Variants in NAV2 observed in about 807,000 individuals in gnomAD.
NAV2 encodes the protein neuron navigator 2, also known as helicase, APC down-regulated 1.
Under a neutral mutation model 223.2 loss-of-function variants are expected in NAV2, and 54 were observed. The ratio of observed to expected loss-of-function variants is 0.24; its 90% CI spans 0.19 to 0.30. The LOEUF is 0.30. NAV2 is among the 10% of genes least tolerant of loss of function. The pLI, the probability that NAV2 is intolerant of heterozygous loss-of-function variation, is 1.00. For missense variants in NAV2, 2,806 were observed against 3,147.5 expected, an observed-to-expected ratio of 0.89 and a Z score of 2.60; for synonymous variants, 1,279 against 1,239.3, an observed-to-expected ratio of 1.03 and a Z score of -0.67.
At chr11:20,101,485 A>G (rs1410726187) in intron 32 of NAV2, among the ~76,000 whole-genome samples, 2 of 152,224 alleles carry the variant, frequency 1.3e-5, no homozygotes, top group Non-Finnish European at 2.9e-5. Flanking sequence ...ATTTTGTGGA[A>G]CAACGATAAT....
chr11:19,718,505 G>C (rs1421989067), intron 1 of NAV2, among the ~76,000 whole-genome samples: 1 of 152,220 alleles, frequency 6.6e-6, no homozygotes, highest in Non-Finnish European at 1.5e-5. Context: ...CCTGGGAAGA[G>C]AGCGCAGCTC....
chr11:19,946,684 A>T (rs903315788), intron 9 of NAV2, among the ~76,000 whole-genome samples, 175 bp downstream of exon 9: 2 of 152,198 alleles, frequency 1.3e-5, no homozygotes, highest in African/African-American at 4.8e-5. Context: ...ATAGGAAATA[A>T]AAAATTAGTA....
rs990932408 is a variant in NAV2, at chr11:19,678,982, A to G, written c.76-153502A>G. ...GCATCTGTTATGTTGACTAATATTT[A>G]TCAACATAGAAAGATTTCCTATGTT... On this transcript the variant is annotated intron_variant, in intron 1 of 37. Transcript: ENST00000360655. 4.8e-4 allele frequency among the ~76,000 whole-genome samples: 73 copies of G among 152,330 alleles called. 2 individuals carry two copies. The highest frequency in any genetic ancestry group is 2.9e-5 in the Non-Finnish European group (2 of 68,038).
intron 10 of NAV2, among the ~76,000 whole-genome samples, chr11:19,976,941 C>T (rs563393679): frequency 5.3e-5 from 8 of 152,272 alleles, no homozygotes; most frequent in African/African-American, 1.9e-4. Flanking sequence ...ATTTTACTCA[C>T]GATGTACATT....
intron 10 of NAV2, among the ~76,000 whole-genome samples, chr11:19,967,250 C>T (rs1336841699): frequency 1.3e-5 from 2 of 152,074 alleles, no homozygotes; most frequent in African/African-American, 4.8e-5. Context: ...AAGGATTTTC[C>T]TACCTTTCCT....
rs754771937 is a variant in NAV2 at position 20,092,253 on chromosome 11, G to A, written c.5700G>A (p.Glu1900=). 1 of 1,614,234 alleles carries A rather than the reference G, an allele frequency of 6.2e-7. No homozygotes were observed. The highest frequency in any genetic ancestry group is 2.2e-5 in the East Asian group (1 of 44,876). Residue 1900 remains glutamate, a synonymous_variant, in exon 28 of 38, where the codon GAG becomes GAA. Transcript: ENST00000349880. ...CTGAGAATGATCGGCTGAAGTCAGA[G>A]TCTCAAGGCAGTGGCTGCAGCCGGG... ...LKAENDRLKS[E]SQGSGCSRAP... is the part of the protein sequence containing the mutation.
chr11:19,967,183 G>A (rs540171240), intron 10 of NAV2, among the ~76,000 whole-genome samples: 10 of 152,266 alleles, frequency 6.6e-5, no homozygotes, highest in African/African-American at 2.4e-4. Flanking sequence ...GGAAGCTTGA[G>A]AGCCAAGCCT....
chr11:19,776,607 TGG>T (rs1491197553), intron 1 of NAV2, among the ~76,000 whole-genome samples: 1,076 of 103,396 alleles, frequency 0.01, 23 homozygotes, highest in African/African-American at 0.024. Context: ...TGTGTGTGTG[TGG>T]TTAGAGTTGT....
chr11:19,694,020 T>C (rs747098606), intron 1 of NAV2, among the ~76,000 whole-genome samples: 1 of 152,222 alleles, frequency 6.6e-6, no homozygotes, highest in Non-Finnish European at 1.5e-5. Context: ...TTATTGCCTG[T>C]GTGAGCTAAG....
At chr11:19,852,052 C>T (rs1277681782) in intron 3 of NAV2, among the ~76,000 whole-genome samples, 1 of 152,220 alleles carries the variant, frequency 6.6e-6, no homozygotes, top group African/African-American at 2.4e-5. Flanking sequence ...GTAAAGGAAA[C>T]AGATTCTCCT....
Position 19,933,764 on chromosome 11 carries a change from G to A in NAV2, c.1520G>A (p.Arg507Lys). ...GAGAAAAGCAAGGACCTTGCCAAGA[G>A]AGCCTCTGTGACGGAGAGGCTGGAC... ...DKEKSKDLAK[R>K]ASVTERLDLK... Residue 507 changes from arginine (R) to lysine (K), a missense_variant, in exon 7 of 38, where the codon AGA (arginine) becomes AAA (lysine). By Grantham distance (26) the Arg-to-Lys change is conservative. Coordinates refer to ENST00000349880, the MANE Select transcript of NAV2 (RefSeq NM_145117.5). This position sits in a 1 kb window ranked among gnomAD's most constrained non-coding sequence, Gnocchi z 4.3. The A allele has an allele frequency of 6.2e-7, 1 of 1,614,182 alleles. No individual in the cohort carries two copies. Among genetic ancestry groups the A allele is most frequent in the Non-Finnish European group, 8.5e-7 (1 of 1,180,036 alleles).
chr11:19,869,480 T>A (rs1290664046), intron 4 of NAV2, among the ~76,000 whole-genome samples: 4 of 152,212 alleles, frequency 2.6e-5, no homozygotes, highest in Non-Finnish European at 5.9e-5. Context: ...TATTTTTACA[T>A]TGTGATTAGT....
chr11:19,567,821 C>T (rs1437644626), intron 1 of NAV2, among the ~76,000 whole-genome samples: 8 of 152,202 alleles, frequency 5.3e-5, no homozygotes, highest in Non-Finnish European at 1.0e-4. Context: ...AACCTACTCA[C>T]AGTCATGCTC....
chr11:19,944,148 C>G lies in NAV2; in HGVS notation c.2147-2253C>G, dbSNP rs181667863. The stretch of plus-strand genomic sequence containing the variant: ...CTGAGGAGGTGGAGGTTGCAGTGAG[C>G]TGAGATCGTGCCACTGCACTCCAGC... On this transcript the variant is annotated intron_variant, in intron 8 of 37. Coordinates refer to ENST00000349880, the MANE Select transcript of NAV2 (RefSeq NM_145117.5). 2.6e-4 allele frequency among the ~76,000 whole-genome samples: 39 copies of G among 152,294 alleles called. No individual in the cohort carries two copies. In the East Asian group the frequency reaches 7.1e-3, roughly 28 times the overall value.
rs2042209304 is a variant in NAV2 at position 19,479,234 on chromosome 11, AG to A, written c.75+128211del. On this transcript the variant is annotated intron_variant, in intron 1 of 37. Transcript: ENST00000360655. Reference sequence around the variant, plus strand: ...ATGATGAGAGTCTGGAAGCTCCACAAGGGGCTTTGCCACCGTGGCTCTCTCT... The same window carrying A: ...ATGATGAGAGTCTGGAAGCTCCACAAGGGCTTTGCCACCGTGGCTCTCTCT... Among the ~76,000 whole-genome samples, 5 of 152,232 alleles carry A rather than the reference AG, an allele frequency of 3.3e-5. No individual in the cohort carries two copies. The South Asian group carries it at 1.0e-3, about 32-fold the overall frequency.
intron 1 of NAV2, among the ~76,000 whole-genome samples, chr11:19,763,379 G>A (rs189055746): frequency 1.3e-5 from 2 of 152,286 alleles, no homozygotes; most frequent in East Asian, 1.9e-4. Context: ...TCTTGCCTTC[G>A]ACTATCAGAA....
intron 1 of NAV2, among the ~76,000 whole-genome samples, chr11:19,599,006 T>A (rs1215884625): frequency 6.6e-6 from 1 of 152,234 alleles, no homozygotes; most frequent in Non-Finnish European, 1.5e-5. Flanking sequence ...TTAGTGTTTG[T>A]GCAGTTTCCA....
At chr11:19,554,438 A>G (rs891418505) in intron 1 of NAV2, among the ~76,000 whole-genome samples, 1 of 152,154 alleles carries the variant, frequency 6.6e-6, no homozygotes, top group Non-Finnish European at 1.5e-5. Flanking sequence ...ACCAGGCTCC[A>G]TTGCCCAGCT....
chr11:19,942,521 G>A (rs1454393796), intron 8 of NAV2, among the ~76,000 whole-genome samples: 2 of 152,180 alleles, frequency 1.3e-5, no homozygotes, highest in East Asian at 1.9e-4. Flanking sequence ...TGGCTAATAA[G>A]CAGCATTGCC....
Sources: allele counts gnomAD v4.1 joint callset (sites outside exome capture counted in the v4.1 genomes callset), GRCh38; gene constraint gnomAD v4.1.1; non-coding constraint Gnocchi (gnomAD v3.1); transcripts MANE v1.5; gene names NCBI Gene and HGNC (gene_info 2026-07-23, HGNC 2026-07-21).